MACROD1: variants seen among roughly 807,000 people sequenced by gnomAD.
MACROD1 encodes ADP-ribose glycohydrolase MACROD1.
A neutral mutation model predicts 41.4 loss-of-function variants in MACROD1; 31 were observed. The observed-to-expected ratio is 0.75, with a 90% CI of 0.56 to 1.01. MACROD1 has a LOEUF of 1.01. Among genes scored for constraint, MACROD1 ranks in the 50% least tolerant of loss-of-function variants. The probability of loss-of-function intolerance (pLI) is 0.00; values close to 1 mark genes in which losing one functional copy is unlikely to be tolerated. For synonymous variants in MACROD1, 252 were observed against 203.4 expected, an observed-to-expected ratio of 1.24 and a Z score of -2.03; for missense variants, 473 against 460.0, an observed-to-expected ratio of 1.03 and a Z score of -0.26.
chr11:64,165,916 G>T lies in MACROD1; in HGVS notation c.79C>A (p.Arg27=). ...AGQLLVPPRP[R]PGHLAGATRT... is the part of the protein sequence containing the mutation. ...GTGGCACCCGCCAAGTGTCCGGGCC[G>T]GGGGCGCGGGGGGACGAGCAGCTGC... The change falls in exon 1 of 11, where the codon CGG becomes AGG. Residue 27 remains arginine, a synonymous_variant. Transcript: ENST00000255681. 1 of 1,329,904 alleles carries T rather than the reference G, an allele frequency of 7.5e-7. No homozygotes were observed. Among genetic ancestry groups the T allele is most frequent in the Non-Finnish European group, 9.6e-7 (1 of 1,047,002 alleles). 82.4% of individuals were successfully genotyped at this position (1,329,904 alleles called of 1,614,324 possible).
intron 3 of MACROD1, among the ~76,000 whole-genome samples, chr11:64,137,371 T>C (rs529033508): frequency 6.6e-6 from 1 of 151,448 alleles, no homozygotes; most frequent in East Asian, 1.9e-4. Flanking sequence ...TTGGGGGAGA[T>C]AAAGAATAGT....
At chr11:64,007,474 G>C (rs1292323787) in intron 4 of MACROD1, among the ~76,000 whole-genome samples, 1 of 152,182 alleles carries the variant, frequency 6.6e-6, no homozygotes, top group East Asian at 1.9e-4. Flanking sequence ...AGTCCGGGCG[G>C]AGAGCTCAGG....
chr11:64,079,181 G>C (rs902261441), intron 3 of MACROD1, among the ~76,000 whole-genome samples: 2 of 152,166 alleles, frequency 1.3e-5, no homozygotes, highest in South Asian at 2.1e-4. Context: ...GCTGACGACT[G>C]TGTGTGGGAT....
chr11:64,043,489 G>C (rs965825382), intron 3 of MACROD1, among the ~76,000 whole-genome samples: 3 of 152,116 alleles, frequency 2.0e-5, no homozygotes, highest in Admixed American at 2.0e-4. Flanking sequence ...GGTGACTCCT[G>C]GGGGAGCTGG....
In MACROD1 at chr11:64,067,649, C is replaced by T. The variant is rs552307249; in HGVS notation, c.518-52368G>A. Reference sequence around the variant, plus strand: ...TGGCCTCCGGTGCACACACAGGGTCCCCAAGCAGGCAGCTGGAGGGCTGGG... The same window carrying T: ...TGGCCTCCGGTGCACACACAGGGTCTCCAAGCAGGCAGCTGGAGGGCTGGG... On this transcript the variant is annotated intron_variant, in intron 3 of 10. Coordinates refer to ENST00000255681, the MANE Select transcript of MACROD1 (RefSeq NM_014067.4). The surrounding 1 kb of genome is among the most constrained non-coding windows in gnomAD (Gnocchi z 4.6). 6.6e-6 allele frequency among the ~76,000 whole-genome samples: 1 copy of T among 152,276 alleles called. No homozygotes were observed. Among genetic ancestry groups the T allele is most frequent in the East Asian group, 1.9e-4 (1 of 5,164 alleles).
intron 3 of MACROD1, among the ~76,000 whole-genome samples, chr11:64,059,229 C>T (rs1375365935): frequency 1.3e-5 from 2 of 152,178 alleles, no homozygotes; most frequent in African/African-American, 4.8e-5. Context: ...GCTCCAGATT[C>T]CTCTTGCCGA....
chr11:64,103,420 T>C (rs34838337), intron 3 of MACROD1: 26,940 of 151,958 alleles, frequency 0.18, 2,564 homozygotes, highest in Admixed American at 0.29. Flanking sequence ...AGCCCCACCA[T>C]GAACATCTGA....
At chr11:64,128,473 G>T (rs1157060740) in intron 3 of MACROD1, among the ~76,000 whole-genome samples, 1 of 152,166 alleles carries the variant, frequency 6.6e-6, no homozygotes, top group Non-Finnish European at 1.5e-5. Flanking sequence ...GGCTCTGTGG[G>T]GAACCAGATT....
intron 3 of MACROD1, among the ~76,000 whole-genome samples, chr11:64,031,115 G>A (rs1046509460): frequency 2.6e-5 from 4 of 152,280 alleles, no homozygotes; most frequent in African/African-American, 9.6e-5. Context: ...CTGGAGGGGT[G>A]CTCTTGTCCT....
At chr11:64,109,912 C>T (rs985832999) in intron 3 of MACROD1, among the ~76,000 whole-genome samples, 11 of 152,016 alleles carry the variant, frequency 7.2e-5, no homozygotes, top group East Asian at 5.8e-4. Context: ...GCCACTGGAG[C>T]GCGGAGGACA....
intron 1 of MACROD1, among the ~76,000 whole-genome samples, chr11:64,164,887 C>T (rs1945813515): frequency 1.3e-5 from 2 of 149,956 alleles, no homozygotes; most frequent in South Asian, 4.2e-4. Context: ...CTATTTGGGG[C>T]TCAGTAGCGG....
chr11:63,998,963 AAGT>A lies in MACROD1; in HGVS notation c.962_964del (p.Tyr321del). On this transcript the variant is annotated inframe_deletion, in exon 9 of 11. Transcript: ENST00000255681. Reference sequence around the variant, plus strand: ...CGGCGCGGGGCACGTACCCACGGGGAAGTAGTGGGGGAGCCGGCTCCGGTAGAT... The same window carrying A: ...CGGCGCGGGGCACGTACCCACGGGGAAGTGGGGGAGCCGGCTCCGGTAGAT... The A allele has an allele frequency of 5.6e-6, 9 of 1,600,122 alleles. No homozygotes were observed. The highest frequency in any genetic ancestry group is 7.7e-6 in the Non-Finnish European group (9 of 1,175,334).
intron 3 of MACROD1, among the ~76,000 whole-genome samples, chr11:64,075,009 C>T (rs1944176686): frequency 6.6e-6 from 1 of 152,238 alleles, no homozygotes; most frequent in Non-Finnish European, 1.5e-5. Context: ...AAGGGAGGTC[C>T]AGGAATTCAA....
rs554869905 is a variant in MACROD1 at position 64,157,010 on chromosome 11, C to T, written c.299-4617G>A. Among the ~76,000 whole-genome samples, 13 of 152,360 alleles carry T rather than the reference C, an allele frequency of 8.5e-5. No homozygotes were observed. In the East Asian group the frequency reaches 2.5e-3, roughly 29 times the overall value. ...ACCTCCATGTCCTCTTATCGGCAAT[C>T]CTCGCCCGCCAGGCCCCTCTTTGTT... On this transcript the variant is annotated intron_variant, in intron 1 of 10. Transcript: ENST00000255681.
Position 64,146,679 on chromosome 11 carries a change from T to C in MACROD1, c.517+4560A>G, listed in dbSNP as rs1945500283. Among the ~76,000 whole-genome samples the C allele has an allele frequency of 6.6e-6, 1 of 151,646 alleles. No individual in the cohort carries two copies. Among genetic ancestry groups the C allele is most frequent in the African/African-American group, 2.4e-5 (1 of 41,286 alleles). Reference sequence around the variant, plus strand: ...CCCACCTCACTCCCACCACATCCCATACAAACACACATCACACCACACACA... The same window carrying C: ...CCCACCTCACTCCCACCACATCCCACACAAACACACATCACACCACACACA... On this transcript the variant is annotated intron_variant, in intron 3 of 10. Coordinates refer to ENST00000255681, the MANE Select transcript of MACROD1 (RefSeq NM_014067.4). The surrounding 1 kb of genome is among the most constrained non-coding windows in gnomAD (Gnocchi z 4.7).
intron 3 of MACROD1, among the ~76,000 whole-genome samples, chr11:64,127,330 C>CG (rs1945199120): frequency 1.3e-5 from 2 of 152,262 alleles, no homozygotes; most frequent in Non-Finnish European, 2.9e-5. Context: ...GGCACCCCAT[C>CG]GGGCCAGGGG....
intron 1 of MACROD1, among the ~76,000 whole-genome samples, chr11:64,157,234 A>G (rs1258629203): frequency 6.6e-6 from 1 of 152,184 alleles, no homozygotes; most frequent in Non-Finnish European, 1.5e-5. Context: ...CTGGGATTAC[A>G]GGCATGCACC....
intron 3 of MACROD1, among the ~76,000 whole-genome samples, chr11:64,034,412 A>G (rs1293389380): frequency 6.6e-6 from 1 of 152,224 alleles, no homozygotes; most frequent in African/African-American, 2.4e-5. Context: ...AATTGGGAGG[A>G]AAAAATAGCT....
intron 1 of MACROD1, among the ~76,000 whole-genome samples, chr11:64,155,493 C>T (rs915953049): frequency 6.6e-6 from 1 of 152,232 alleles, no homozygotes; most frequent in African/African-American, 2.4e-5. Context: ...AGGGACAAGG[C>T]AGGCCTTCCC....
Sources: allele counts gnomAD v4.1 joint callset (sites outside exome capture counted in the v4.1 genomes callset), GRCh38; gene constraint gnomAD v4.1.1; non-coding constraint Gnocchi (gnomAD v3.1); transcripts MANE v1.5; gene names NCBI Gene and HGNC (gene_info 2026-07-23, HGNC 2026-07-21).